SMC5: variants seen among roughly 807,000 people sequenced by gnomAD.
The protein encoded by SMC5 is structural maintenance of chromosomes 5, also known as structural maintenance of chromosomes protein 5.
A neutral mutation model predicts 148.3 loss-of-function variants in SMC5; 88 were observed. The observed-to-expected ratio is 0.59, with a 90% CI of 0.50 to 0.71. The LOEUF is 0.71. Ranked by LOEUF, SMC5 falls within the 30% of genes least tolerant of loss-of-function variation. SMC5 has a pLI of 0.00. For missense variants in SMC5, 1,142 were observed against 1,298.9 expected, an observed-to-expected ratio of 0.88 and a Z score of 1.86; for synonymous variants, 421 against 432.8, an observed-to-expected ratio of 0.97 and a Z score of 0.34.
intron 17 of SMC5, among the ~76,000 whole-genome samples, chr9:70,342,400 ATAAT>A (rs1449767551): frequency 8.5e-5 from 13 of 152,072 alleles, no homozygotes; most frequent in South Asian, 2.1e-4. Flanking sequence ...TAATAATAAA[ATAAT>A]AAATAATAAT....
chr9:70,312,752 C>A lies in SMC5; in HGVS notation c.1579-1990C>A, dbSNP rs964533021. Among the ~76,000 whole-genome samples the A allele has an allele frequency of 2.6e-5, 4 of 152,146 alleles. No individual in the cohort carries two copies. The East Asian group carries it at 7.7e-4, about 29-fold the overall frequency. The stretch of plus-strand genomic sequence containing the variant: ...TAGATCAGTTGATTTTTGACTGTTA[C>A]ATCAGTCTGGCATTCCTGGCATAAA... On this transcript the variant is annotated intron_variant, in intron 11 of 24. Transcript: ENST00000361138.
chr9:70,350,027 T>TA (rs1304728748), intron 22 of SMC5, 87 bp from the exon 23 acceptor site: 1 of 905,982 alleles, frequency 1.1e-6, no homozygotes, highest in Admixed American at 3.1e-5. Flanking sequence ...TCTTTACTCT[T>TA]ACTCAGTTAA....
intron 17 of SMC5, among the ~76,000 whole-genome samples, chr9:70,332,371 T>C (rs2118722309): frequency 6.6e-6 from 1 of 151,880 alleles, no homozygotes; most frequent in East Asian, 1.9e-4. Flanking sequence ...AATACAAAAA[T>C]TATCCAGGCA....
chr9:70,348,426 T>C (rs1396306540), intron 22 of SMC5, among the ~76,000 whole-genome samples: 1 of 152,098 alleles, frequency 6.6e-6, no homozygotes, highest in Non-Finnish European at 1.5e-5. Context: ...GTGTGGTGGC[T>C]CACGCCTGTA....
At chr9:70,350,792 G>T (rs1485214855) in intron 24 of SMC5, among the ~76,000 whole-genome samples, 1 of 152,082 alleles carries the variant, frequency 6.6e-6, no homozygotes, top group African/African-American at 2.4e-5. Flanking sequence ...TCCCAAAAAA[G>T]CCTCTCTTGT....
At chr9:70,286,659 C>T (rs539848028) in intron 8 of SMC5, 18 of 155,504 alleles carry the variant, frequency 1.2e-4, no homozygotes, top group Middle Eastern at 3.2e-3. Context: ...GCGTATGTAC[C>T]TTTATGCATG....
At chr9:70,350,082 T>C (rs1191743224) in intron 22 of SMC5, 32 bp from the exon 23 acceptor site, 2 of 1,489,918 alleles carry the variant, frequency 1.3e-6, no homozygotes, top group African/African-American at 2.8e-5. Context: ...CAGAGGAAAC[T>C]CATTTTTCAT....
chr9:70,308,750 A>C (rs926659888), intron 11 of SMC5, among the ~76,000 whole-genome samples: 4 of 151,988 alleles, frequency 2.6e-5, no homozygotes, highest in Non-Finnish European at 5.9e-5. Context: ...TCACTGTCTA[A>C]TTTTAAAATA....
chr9:70,331,560 G>A (rs2036220808), intron 17 of SMC5, among the ~76,000 whole-genome samples: 1 of 151,790 alleles, frequency 6.6e-6, no homozygotes, highest in Non-Finnish European at 1.5e-5. Flanking sequence ...ATTTATGAAG[G>A]AAATGATAGG....
At chr9:70,300,312 T>G (rs1781848348) in intron 10 of SMC5, 112 bp downstream of exon 10, 7 of 893,328 alleles carry the variant, frequency 7.8e-6, no homozygotes, top group South Asian at 3.7e-5. Context: ...ATCAGACTTG[T>G]GGCATCTGGC....
At chr9:70,312,406 G>A (rs149136777) in intron 11 of SMC5, among the ~76,000 whole-genome samples, 1 of 152,202 alleles carries the variant, frequency 6.6e-6, no homozygotes, top group Non-Finnish European at 1.5e-5. Context: ...CTCCCACCAG[G>A]TCCCTCCCTC....
At chr9:70,271,610 A>G (rs2034452334) in intron 3 of SMC5, among the ~76,000 whole-genome samples, 1 of 152,314 alleles carries the variant, frequency 6.6e-6, no homozygotes, top group East Asian at 1.9e-4. Flanking sequence ...AGTAAAATGT[A>G]TATATGTTAG....
intron 11 of SMC5, 77 bp downstream of exon 11, chr9:70,305,437 CA>C: frequency 1.2e-6 from 1 of 829,494 alleles, no homozygotes; most frequent in Non-Finnish European, 2.0e-6. Context: ...TTCACTAGAG[CA>C]AAATGTGATA....
chr9:70,267,994 A>G lies in SMC5; in HGVS notation c.380+19A>G, dbSNP rs2034339300. 1.3e-6 allele frequency: 2 copies of G among 1,594,088 alleles called. No individual in the cohort carries two copies. Among genetic ancestry groups the G allele is most frequent in the African/African-American group, 2.7e-5 (2 of 74,048 alleles). ...TTGAATTGTAAGTGTTAAAAGTGCT[A>G]AAACTCCTTTTTCCTATAAAATTCT... is the stretch of plus-strand genomic sequence containing the variant. On this transcript the variant is annotated intron_variant, in intron 3 of 24. Transcript: ENST00000361138.
In SMC5 at chr9:70,350,468, A is replaced by T. The variant is rs753012407; in HGVS notation, c.3162A>T (p.Pro1054=). 1 of 1,581,330 alleles carries T rather than the reference A, an allele frequency of 6.3e-7. No homozygotes were observed. Among genetic ancestry groups the T allele is most frequent in the South Asian group, 1.2e-5 (1 of 85,312 alleles). The change falls in exon 24 of 25, where the codon CCA becomes CCT. Residue 1054 remains proline, a synonymous_variant. Transcript: ENST00000361138. ...ENTSQYFFIT[P]KLLQNLPYSE... ...CATCTCAATACTTTTTCATAACACC[A>T]AAGGTAGGTAAAAAGTAACCTAAAA...
At chr9:70,336,975 A>G (rs1323081676) in intron 17 of SMC5, among the ~76,000 whole-genome samples, 3 of 152,272 alleles carry the variant, frequency 2.0e-5, no homozygotes, top group African/African-American at 2.4e-5. Flanking sequence ...CACATCTTAC[A>G]TGAATGGTGG....
intron 11 of SMC5, among the ~76,000 whole-genome samples, chr9:70,307,852 G>A (rs2035547935): frequency 6.6e-6 from 1 of 152,220 alleles, no homozygotes; most frequent in South Asian, 2.1e-4. Flanking sequence ...TGGCCAGTGA[G>A]ACCATTTTCA....
At chr9:70,322,867 A>G (rs1343231285) in intron 15 of SMC5, among the ~76,000 whole-genome samples, 1 of 152,126 alleles carries the variant, frequency 6.6e-6, no homozygotes, top group East Asian at 1.9e-4. Context: ...GGCTTTCTAC[A>G]GTTGCTACAT....
At chr9:70,346,915 C>A in intron 19 of SMC5, 151 bp from the exon 20 acceptor site, 1 of 701,284 alleles carries the variant, frequency 1.4e-6, no homozygotes, top group Non-Finnish European at 2.4e-6. Context: ...CTTTTGAAGG[C>A]AAATGACCCT....
Sources: allele counts gnomAD v4.1 joint callset (sites outside exome capture counted in the v4.1 genomes callset), GRCh38; gene constraint gnomAD v4.1.1; transcripts MANE v1.5; gene names NCBI Gene and HGNC (gene_info 2026-07-23, HGNC 2026-07-21).